Variants in CCNK observed in about 807,000 individuals in gnomAD.
CCNK encodes cyclin-K.
A neutral mutation model predicts 65.0 loss-of-function variants in CCNK; 9 were observed. That is an observed-to-expected ratio of 0.14 (90% CI 0.08 to 0.24). The LOEUF (loss-of-function observed/expected upper bound fraction) is 0.24. Among genes scored for constraint, CCNK ranks in the 10% least tolerant of loss-of-function variants. The pLI, the probability that CCNK is intolerant of heterozygous loss-of-function variation, is 1.00. For synonymous variants in CCNK, 279 were observed against 270.8 expected (o/e 1.03, Z -0.30); for missense variants, 474 against 720.0 (o/e 0.66, Z 3.91).
rs899168818 is a variant in CCNK, at chr14:99,509,949, G to A, written c.1118-208G>A. The A allele has an allele frequency of 1.1e-4, 68 of 603,568 alleles. No homozygotes were observed. In the Middle Eastern group the frequency reaches 2.7e-3, roughly 24 times the overall value. 37.4% of individuals were successfully genotyped at this position (603,568 alleles called of 1,614,324 possible). On this transcript the variant is annotated intron_variant, in intron 10 of 10. Coordinates refer to ENST00000389879, the MANE Select transcript of CCNK (RefSeq NM_001099402.2). The stretch of plus-strand genomic sequence containing the variant: ...GAGGGAGGGAAAACCCCAGGTCGTC[G>A]CAGACAGGGTGGAGGGCCTTCTTGA...
chr14:99,505,182 A>T (rs1349675131), intron 9 of CCNK: 1 of 152,252 alleles, frequency 6.6e-6, no homozygotes, highest in Non-Finnish European at 1.5e-5. Flanking sequence ...GTCCCCTGGC[A>T]GCAGTAAATA....
chr14:99,488,029 C>T (rs1896527698), intron 1 of CCNK, among the ~76,000 whole-genome samples: 1 of 152,078 alleles, frequency 6.6e-6, no homozygotes, highest in Non-Finnish European at 1.5e-5. Context: ...GACACATGTT[C>T]GTTTTTTGCC....
chr14:99,486,013 G>C (rs774359650), intron 1 of CCNK, among the ~76,000 whole-genome samples: 1 of 151,846 alleles, frequency 6.6e-6, no homozygotes, highest in African/African-American at 2.4e-5. Flanking sequence ...ATCCTATACC[G>C]TACAAATTAC....
intron 3 of CCNK, 128 bp downstream of exon 3, chr14:99,493,723 T>G (rs1236177611): frequency 1.3e-5 from 7 of 554,672 alleles, no homozygotes; most frequent in Non-Finnish European, 1.2e-5. Flanking sequence ...TGGTATATAC[T>G]GCATATAAAC....
chr14:99,507,264 A>G, intron 10 of CCNK, 117 bp downstream of exon 10: 1 of 758,168 alleles, frequency 1.3e-6, no homozygotes, highest in Admixed American at 1.8e-5. Context: ...AATGTCAGCC[A>G]CAGGCAGGAA....
chr14:99,503,635 A>G lies in CCNK; in HGVS notation c.1036A>G (p.Lys346Glu). The change falls in exon 9 of 11, where the codon AAA becomes GAA. Residue 346 changes from lysine to glutamate, a missense_variant. Physicochemically the swap from Lys to Glu is moderately conservative, Grantham distance 56 (BLOSUM62 1). This residue lies in a region of CCNK where 229 missense variants were observed against 275.5 expected (regional missense o/e 0.83). Coordinates refer to ENST00000389879, the MANE Select transcript of CCNK (RefSeq NM_001099402.2). Reference protein sequence around the residue: ...AVVVSPKEENKAAEPPPPKIP... With the variant: ...AVVVSPKEENEAAEPPPPKIP... ...GGTTGTTTCTCCCAAAGAAGAGAAC[A>G]AAGCAGCAGGTAATTTCCTGTTCTG... 1.3e-6 allele frequency: 2 copies of G among 1,560,408 alleles called. No homozygotes were observed. The highest frequency in any genetic ancestry group is 1.2e-5 in the South Asian group (1 of 84,530).
At chr14:99,501,277 G>C (rs1595315177) in intron 5 of CCNK, 79 bp from the exon 6 acceptor site, 2 of 912,616 alleles carry the variant, frequency 2.2e-6, no homozygotes, top group Non-Finnish European at 3.7e-6. Context: ...TGAACACGTG[G>C]TAGGTTTTTA....
intron 4 of CCNK, among the ~76,000 whole-genome samples, chr14:99,496,929 G>GC (rs1566749304): frequency 4.4e-5 from 1 of 22,774 alleles, no homozygotes; most frequent in African/African-American, 1.0e-4. Context: ...AAAAAAAAAT[G>GC]CTTTTTTTTT....
chr14:99,497,548 T>G (rs371006433), intron 4 of CCNK, among the ~76,000 whole-genome samples: 1 of 152,352 alleles, frequency 6.6e-6, no homozygotes, highest in East Asian at 1.9e-4. Flanking sequence ...ACTCGTGGAA[T>G]AAATGTCAAA....
At chr14:99,483,568 A>G (rs1896409699) in intron 1 of CCNK, among the ~76,000 whole-genome samples, 1 of 152,236 alleles carries the variant, frequency 6.6e-6, no homozygotes, top group South Asian at 2.1e-4. Flanking sequence ...GCCAGGTGAC[A>G]CAAATCATAT....
intron 1 of CCNK, among the ~76,000 whole-genome samples, chr14:99,483,275 G>GT: frequency 1.3e-5 from 2 of 152,236 alleles, no homozygotes; most frequent in Middle Eastern, 6.8e-3. Context: ...GAGGCCAGAG[G>GT]TGGTGGCTCA....
intron 3 of CCNK, chr14:99,494,519 A>C (rs1896659510): frequency 6.6e-6 from 1 of 152,198 alleles, no homozygotes; most frequent in Non-Finnish European, 1.5e-5. Flanking sequence ...TTCTTGAAGA[A>C]GGAGACCATG....
At chr14:99,495,697 T>C in intron 4 of CCNK, 68 bp downstream of exon 4, 1 of 1,390,776 alleles carries the variant, frequency 7.2e-7, no homozygotes, top group Non-Finnish European at 9.7e-7. Flanking sequence ...CAGTTCCACA[T>C]GTTGACAGTG....
At chr14:99,502,174 A>G in intron 6 of CCNK, 33 bp from the exon 7 acceptor site, 1 of 1,541,936 alleles carries the variant, frequency 6.5e-7, no homozygotes, top group Non-Finnish European at 8.8e-7. Flanking sequence ...ATTAGATCAT[A>G]TTATCTAACC....
intron 10 of CCNK, chr14:99,508,454 G>A (rs1897030995): frequency 6.6e-6 from 1 of 152,486 alleles, no homozygotes. Flanking sequence ...CCCCATTACA[G>A]ATAGCCAGGA....
At position 99,481,440 on chromosome 14, in the gene CCNK, C is replaced by G. The variant is rs149437057; in HGVS notation, c.-92C>G. 2.5e-6 allele frequency: 1 copy of G among 398,712 alleles called. No individual in the cohort carries two copies. Among genetic ancestry groups the G allele is most frequent in the Non-Finnish European group, 4.4e-6 (1 of 226,094 alleles). The allele number at this position is 398,712 out of a possible 1,614,324, so 24.7% of individuals were successfully genotyped here. ...CCATATACAAGATGGCCGCAGTCGGCAAGGAGAGACGTCGCTGAGGGGCTT... is the reference window on the plus strand; with the variant it reads ...CCATATACAAGATGGCCGCAGTCGGGAAGGAGAGACGTCGCTGAGGGGCTT... On this transcript the variant is annotated 5_prime_UTR_variant, in exon 1 of 11. Transcript: ENST00000389879.
chr14:99,502,475 A>G lies in CCNK; in HGVS notation c.745+99A>G, dbSNP rs2295385. 3.6e-4 allele frequency: 533 copies of G among 1,466,520 alleles called. 5 individuals carry two copies. In the East Asian group the frequency reaches 0.012, roughly 34 times the overall value. 90.8% of individuals were successfully genotyped at this position (1,466,520 alleles called of 1,614,324 possible). ...CAAGAATGGATTTTCCCAGATAGAC[A>G]TATGTGAGCAATATTTCAGAAGCAT... On this transcript the variant is annotated intron_variant, in intron 7 of 10. Coordinates refer to ENST00000389879, the MANE Select transcript of CCNK (RefSeq NM_001099402.2).
chr14:99,503,711 A>C, intron 9 of CCNK, 67 bp downstream of exon 9: 2 of 1,366,108 alleles, frequency 1.5e-6, no homozygotes, highest in South Asian at 2.6e-5. Flanking sequence ...ATTCTTAGCC[A>C]ACATTGTTTC....
intron 1 of CCNK, among the ~76,000 whole-genome samples, chr14:99,481,956 T>C (rs1048992882): frequency 4.6e-5 from 7 of 152,306 alleles, no homozygotes; most frequent in African/African-American, 1.7e-4. Flanking sequence ...AGGGTGCGGC[T>C]AAGATGAGGA....
Sources: gnomAD v4.1 joint callset for allele counts (sites outside exome capture counted in the v4.1 genomes callset) on GRCh38, gnomAD v4.1.1 for gene constraint, gnomAD v4.1.1 regional missense constraint, MANE v1.5 for transcripts, NCBI Gene and HGNC (gene_info 2026-07-23, HGNC 2026-07-21) for gene names.